TYW1B: variants seen among roughly 807,000 people sequenced by gnomAD.
TYW1B encodes the protein tRNA-yW synthesizing protein 1 homolog B.
Under a neutral mutation model 86.9 loss-of-function variants are expected in TYW1B, and 73 were observed. That is an observed-to-expected ratio of 0.84 (90% confidence interval 0.70 to 1.02). The LOEUF (loss-of-function observed/expected upper bound fraction) is 1.02, where lower values mean the gene tolerates loss of function less well. Ranked by LOEUF, TYW1B falls within the 50% of genes least tolerant of loss-of-function variation. The pLI, the probability that TYW1B is intolerant of heterozygous loss-of-function variation, is 0.00. For missense variants in TYW1B, 637 were observed against 827.4 expected, an observed-to-expected ratio of 0.77 and a Z score of 2.82; for synonymous variants, 248 against 292.8, an observed-to-expected ratio of 0.85 and a Z score of 1.56.
chr7:72,724,358 G>A (rs782340831), intron 9 of TYW1B, among the ~76,000 whole-genome samples: 5 of 152,108 alleles, frequency 3.3e-5, no homozygotes, highest in Non-Finnish European at 5.9e-5. Flanking sequence ...CTGTAGTTCC[G>A]GCTACTTGGA....
intron 13 of TYW1B, among the ~76,000 whole-genome samples, 189 bp downstream of exon 13, chr7:72,616,483 G>A (rs1368459662): frequency 2.6e-5 from 4 of 152,190 alleles, no homozygotes; most frequent in Non-Finnish European, 5.9e-5. Flanking sequence ...TAAACAAGAA[G>A]CAATTTCACA....
chr7:72,594,234 A>G (rs1448355032), intron 13 of TYW1B, among the ~76,000 whole-genome samples: 1 of 152,090 alleles, frequency 6.6e-6, no homozygotes, highest in Non-Finnish European at 1.5e-5. Context: ...TGGTTCTTTT[A>G]AAAGATCAAC....
Position 72,575,319 on chromosome 7 carries a change from T to C in TYW1B, c.*179A>G, listed in dbSNP as rs1201889933. On this transcript the variant is annotated 3_prime_UTR_variant, in exon 14 of 14. Coordinates refer to ENST00000620995, the MANE Select transcript of TYW1B (RefSeq NM_001145440.3). ...GTTCTGAAAAGAAACATCGGGGCTG[T>C]GGCCCAGGCCCTCTGAGTGTGGACG... is the stretch of plus-strand genomic sequence containing the variant. The C allele has an allele frequency of 6.3e-6, 9 of 1,428,658 alleles. No individual in the cohort carries two copies. Among genetic ancestry groups the C allele is most frequent in the Non-Finnish European group, 8.3e-6 (9 of 1,089,718 alleles). The allele number at this position is 1,428,658 out of a possible 1,614,324, so 88.5% of individuals were successfully genotyped here.
chr7:72,686,050 T>C (rs1454199277), intron 11 of TYW1B, among the ~76,000 whole-genome samples: 1 of 152,198 alleles, frequency 6.6e-6, no homozygotes, highest in Non-Finnish European at 1.5e-5. Flanking sequence ...CCACATCACC[T>C]GTCATCAGGG....
At chr7:72,632,522 G>GATTAAATTATGCT (rs1812561786) in intron 11 of TYW1B, among the ~76,000 whole-genome samples, 1 of 132,748 alleles carries the variant, frequency 7.5e-6, no homozygotes, top group East Asian at 2.1e-4. Flanking sequence ...TATTCCTAAT[G>GATTAAATTATGCT]ATTAAATTAT....
Position 72,700,725 on chromosome 7 carries a change from T to A in TYW1B, c.1371-5903A>T, listed in dbSNP as rs142099253. Among the ~76,000 whole-genome samples the A allele has an allele frequency of 5.4e-3, 823 of 152,236 alleles. 10 individuals carry two copies. The highest frequency in any genetic ancestry group is 0.019 in the African/African-American group (775 of 41,544). On this transcript the variant is annotated intron_variant, in intron 10 of 13. Coordinates refer to ENST00000620995, the MANE Select transcript of TYW1B (RefSeq NM_001145440.3). Reference sequence around the variant, plus strand: ...CCCATGGGTCTCTGAGAGACTTCAGTGATAGTCTATTTGATGAGTCATCAT... The same window carrying A: ...CCCATGGGTCTCTGAGAGACTTCAGAGATAGTCTATTTGATGAGTCATCAT...
At chr7:72,784,803 A>G (rs540109331) in intron 6 of TYW1B, among the ~76,000 whole-genome samples, 20 of 152,030 alleles carry the variant, frequency 1.3e-4, no homozygotes, top group Non-Finnish European at 2.4e-4. Context: ...CGGCCTCCTA[A>G]TATTTTAAAC....
At chr7:72,760,940 C>A (rs1317558664) in intron 7 of TYW1B, among the ~76,000 whole-genome samples, 2 of 150,768 alleles carry the variant, frequency 1.3e-5, no homozygotes, top group Non-Finnish European at 2.9e-5. Flanking sequence ...AGGTGTATAT[C>A]CTGAATTATT....
At chr7:72,692,425 G>A (rs1200583770) in intron 11 of TYW1B, among the ~76,000 whole-genome samples, 3 of 151,964 alleles carry the variant, frequency 2.0e-5, no homozygotes, top group Admixed American at 1.3e-4. Context: ...GAGGCAGGAG[G>A]ATCATTTGGG....
intron 13 of TYW1B, among the ~76,000 whole-genome samples, chr7:72,601,072 G>C (rs1328038915): frequency 6.6e-6 from 1 of 151,404 alleles, no homozygotes; most frequent in Non-Finnish European, 1.5e-5. Flanking sequence ...CAGAAGAATC[G>C]TTTGAACCCA....
In TYW1B at chr7:72,807,134, G is replaced by A; in HGVS notation, c.655C>T (p.Gln219Ter). ...HCKKGKCESH[Q>*]HGSEEREEGS... Reference sequence around the variant, plus strand: ...TCCTCCCTCTCCTCTGAGCCATGTTGGTGAGATTCACATTTGCCTTTCTTG... The same window carrying A: ...TCCTCCCTCTCCTCTGAGCCATGTTAGTGAGATTCACATTTGCCTTTCTTG... The change falls in exon 5 of 14, where the codon CAA becomes TAA. Residue 219 changes from glutamine to a stop codon, truncating the protein, a stop_gained. Coordinates refer to ENST00000620995, the MANE Select transcript of TYW1B (RefSeq NM_001145440.3). LOFTEE classifies it high-confidence loss of function. 3 of 1,614,086 alleles carry A rather than the reference G, an allele frequency of 1.9e-6. No homozygotes were observed. Among genetic ancestry groups the A allele is most frequent in the South Asian group, 1.1e-5 (1 of 91,066 alleles).
At chr7:72,722,967 A>T (rs1786931752) in intron 9 of TYW1B, 2 of 710,018 alleles carry the variant, frequency 2.8e-6, no homozygotes, top group Non-Finnish European at 5.2e-6. Flanking sequence ...CCTCCCCACC[A>T]GATGCCCTGC....
At chr7:72,612,098 T>G (rs1811948108) in intron 13 of TYW1B, among the ~76,000 whole-genome samples, 1 of 152,130 alleles carries the variant, frequency 6.6e-6, no homozygotes. Context: ...CAGGCTGGAA[T>G]CCTTCTAGGT....
intron 8 of TYW1B, among the ~76,000 whole-genome samples, chr7:72,730,775 T>C (rs1787089584): frequency 6.6e-6 from 1 of 151,684 alleles, no homozygotes; most frequent in East Asian, 1.9e-4. Flanking sequence ...GAACAAATGT[T>C]TGCATTTAGG....
chr7:72,763,815 G>T (rs1787728031), intron 7 of TYW1B, among the ~76,000 whole-genome samples: 1 of 152,158 alleles, frequency 6.6e-6, no homozygotes, highest in Non-Finnish European at 1.5e-5. Context: ...AAGCTTCAAA[G>T]AATGTATGTC....
chr7:72,577,642 C>A (rs1489411803), intron 13 of TYW1B, among the ~76,000 whole-genome samples: 1 of 152,352 alleles, frequency 6.6e-6, no homozygotes. Flanking sequence ...GCAGGCCCTT[C>A]CTCTGGGCCG....
At chr7:72,798,828 A>T (rs1186807856) in intron 6 of TYW1B, among the ~76,000 whole-genome samples, 1 of 152,188 alleles carries the variant, frequency 6.6e-6, no homozygotes, top group Non-Finnish European at 1.5e-5. Flanking sequence ...AAGGTGAGAA[A>T]TGTTTATCAG....
chr7:72,748,712 A>G (rs1343723427), intron 7 of TYW1B, among the ~76,000 whole-genome samples: 1 of 151,406 alleles, frequency 6.6e-6, no homozygotes, highest in Non-Finnish European at 1.5e-5. Flanking sequence ...TTTTCTTCTT[A>G]GCATGTTTGA....
chr7:72,761,811 G>C (rs533211023), intron 7 of TYW1B, among the ~76,000 whole-genome samples: 1 of 151,630 alleles, frequency 6.6e-6, no homozygotes, highest in African/African-American at 2.4e-5. Context: ...AAAGAATCTC[G>C]TATGACACAT....
Sources: gnomAD v4.1 joint callset for allele counts (sites outside exome capture counted in the v4.1 genomes callset) on GRCh38, gnomAD v4.1.1 for gene constraint, MANE v1.5 for transcripts, NCBI Gene and HGNC (gene_info 2026-07-23, HGNC 2026-07-21) for gene names.